Variants in PLK5 observed in about 807,000 individuals in gnomAD.
The protein encoded by PLK5 is inactive serine/threonine-protein kinase PLK5.
Under a neutral mutation model 33.7 loss-of-function variants are expected in PLK5, and 28 were observed. The observed-to-expected ratio is 0.83, with a 90% CI of 0.62 to 1.14. The LOEUF is 1.14. Ranked by LOEUF, PLK5 falls within the 50% of genes most tolerant of loss-of-function variation. The pLI is 0.00. For missense variants in PLK5, 492 were observed against 461.5 expected (o/e 1.07, Z -0.61); for synonymous variants, 225 against 202.2 (o/e 1.11, Z -0.96).
intron 6 of PLK5, 68 bp downstream of exon 6, chr19:1,527,066 G>T: frequency 2.1e-6 from 3 of 1,402,748 alleles, no homozygotes. Flanking sequence ...GGGGGAGCCT[G>T]CACGGAACAG....
intron 6 of PLK5, among the ~76,000 whole-genome samples, chr19:1,527,571 C>T (rs1315764970): frequency 6.6e-6 from 1 of 151,708 alleles, no homozygotes; most frequent in African/African-American, 2.4e-5. Context: ...AACGGCACTC[C>T]AGCCTGGGTG....
Position 1,531,464 on chromosome 19 carries a change from A to G in PLK5, c.569-274A>G, listed in dbSNP as rs115907312. ...ACACACACACCCAGAAATGTGTAGT[A>G]TTTTCAGAGCATTGCAAGTATTTGA... is the stretch of plus-strand genomic sequence containing the variant. On this transcript the variant is annotated intron_variant, in intron 11 of 13. Transcript: ENST00000454744. 3.5e-3 allele frequency among the ~76,000 whole-genome samples: 537 copies of G among 152,262 alleles called. 3 individuals are homozygous for G. The highest frequency in any genetic ancestry group is 0.012 in the African/African-American group (513 of 41,552).
At chr19:1,529,676 G>C in intron 10 of PLK5, 71 bp from the exon 11 acceptor site, 1 of 1,468,990 alleles carries the variant, frequency 6.8e-7, no homozygotes, top group Non-Finnish European at 9.2e-7. Flanking sequence ...GCCGTGGGGA[G>C]GGGGACTGGT....
intron 13 of PLK5, among the ~76,000 whole-genome samples, chr19:1,534,862 G>T (rs1914048472): frequency 6.6e-6 from 1 of 151,914 alleles, no homozygotes; most frequent in Non-Finnish European, 1.5e-5. Context: ...GTGGGCAGGG[G>T]AGCCCCCATC....
In PLK5 at chr19:1,528,969, G is replaced by A. The variant is rs761069094; in HGVS notation, c.400G>A (p.Gly134Ser). The A allele has an allele frequency of 9.5e-5, 144 of 1,511,374 alleles. No individual in the cohort carries two copies. Among genetic ancestry groups the A allele is most frequent in the Admixed American group, 1.3e-4 (6 of 46,316 alleles). 93.6% of individuals were successfully genotyped at this position (1,511,374 alleles called of 1,614,324 possible). A position where few individuals can be genotyped will look rare whatever the true frequency, so the allele number is the denominator to read the frequency against. ...AGACCCTGACTCCATGGAGTGGGAC[G>A]GCGAGGTGAGACATCGGGGTGGGGG... Reference protein sequence around the residue: ...GPDPDSMEWDGESSLSAKEVP... With the variant: ...GPDPDSMEWDSESSLSAKEVP... Residue 134 changes from glycine (G) to serine (S), a missense_variant, in exon 9 of 14, where the codon GGC becomes AGC. Transcript: ENST00000454744.
At chr19:1,534,348 AAT>A (rs755301120) in intron 13 of PLK5, among the ~76,000 whole-genome samples, 6 of 151,262 alleles carry the variant, frequency 4.0e-5, no homozygotes, top group Non-Finnish European at 5.9e-5. Context: ...CTCTACTAAA[AAT>A]ACAAAAATTA....
At chr19:1,529,971 G>A (rs895521980) in intron 11 of PLK5, 147 bp downstream of exon 11, 7 of 824,686 alleles carry the variant, frequency 8.5e-6, no homozygotes, top group Non-Finnish European at 1.1e-5. Context: ...CATCAGGAGA[G>A]TGGGTTAGCC....
chr19:1,528,282 C>T lies in PLK5; in HGVS notation c.202-20C>T, dbSNP rs1027396467. ...GCTGGGTGACCTAAGCCGGGGATAA[C>T]CCCAAATCCCCATCCAAAGGGTTTC... On this transcript the variant is annotated intron_variant, in intron 7 of 13. Coordinates refer to ENST00000454744, the MANE Select transcript of PLK5 (RefSeq NM_001243079.2). 2 of 1,535,766 alleles carry T rather than the reference C, an allele frequency of 1.3e-6. No homozygotes were observed. Among genetic ancestry groups the T allele is most frequent in the African/African-American group, 2.7e-5 (2 of 73,004 alleles).
chr19:1,534,056 C>G lies in PLK5; in HGVS notation c.825+15C>G, dbSNP rs1417392996. 1 of 1,530,138 alleles carries G rather than the reference C, an allele frequency of 6.5e-7. No individual in the cohort carries two copies. 94.8% of individuals were successfully genotyped at this position (1,530,138 alleles called of 1,614,324 possible). A position where few individuals can be genotyped will look rare whatever the true frequency, so the allele number is the denominator to read the frequency against. ...GGATGGTGCAGGTGAGCCCGGGGCT[C>G]AAACTCGGGGCACTGGGGCTCGGCA... On this transcript the variant is annotated intron_variant, in intron 13 of 13. Coordinates refer to ENST00000454744, the MANE Select transcript of PLK5 (RefSeq NM_001243079.2).
Position 1,531,743 on chromosome 19 carries a change from C to A in PLK5, c.574C>A (p.Gln192Lys), listed in dbSNP as rs1599306614. The A allele has an allele frequency of 2.0e-6, 3 of 1,536,758 alleles. No homozygotes were observed. Among genetic ancestry groups the A allele is most frequent in the Non-Finnish European group, 2.6e-6 (3 of 1,147,198 alleles). Reference sequence around the variant, plus strand: ...ATACCTTTGTTTGTGCCCAGCCACACAGGACCCCCTGGGAGAGCAGCAGCC... The same window carrying A: ...ATACCTTTGTTTGTGCCCAGCCACAAAGGACCCCCTGGGAGAGCAGCAGCC... ...LCLDVGPPAT[Q>K]DPLGEQQPIL... Residue 192 changes from glutamine to lysine, a missense_variant, in exon 12 of 14, where the codon CAG (glutamine) becomes AAG (lysine). Coordinates refer to ENST00000454744, the MANE Select transcript of PLK5 (RefSeq NM_001243079.2).
chr19:1,529,651 A>C lies in PLK5; in HGVS notation c.491-96A>C. ...ATGCCGCCTCTGGGTTGAGGATGAG[A>C]TGTTCCTGGATGGAGCCGTGGGGAG... On this transcript the variant is annotated intron_variant, in intron 10 of 13. Coordinates refer to ENST00000454744, the MANE Select transcript of PLK5 (RefSeq NM_001243079.2). 9 of 1,419,066 alleles carry C rather than the reference A, an allele frequency of 6.3e-6. 1 individual carries two copies. The Middle Eastern group carries it at 1.4e-3, about 219-fold the overall frequency. The allele number at this position is 1,419,066 out of a possible 1,614,324, so 87.9% of individuals were successfully genotyped here.
chr19:1,533,072 C>T (rs1913980143), intron 12 of PLK5, among the ~76,000 whole-genome samples: 1 of 152,036 alleles, frequency 6.6e-6, no homozygotes, highest in Non-Finnish European at 1.5e-5. Flanking sequence ...GAGGTCAAGG[C>T]TCCAGTGAGC....
In PLK5 at chr19:1,528,863, G is replaced by A. The variant is rs528738275; in HGVS notation, c.329-35G>A. On this transcript the variant is annotated intron_variant, in intron 8 of 13. Coordinates refer to ENST00000454744, the MANE Select transcript of PLK5 (RefSeq NM_001243079.2). ...CCCCTACCCCCAGCTTGGGGCCCAG[G>A]CTGTGCCCCCTCCAAGGCCTTGTGC... 8.3e-6 allele frequency: 12 copies of A among 1,452,044 alleles called. No homozygotes were observed. The East Asian group carries it at 2.8e-4, about 34-fold the overall frequency. 89.9% of individuals were successfully genotyped at this position (1,452,044 alleles called of 1,614,324 possible).
intron 13 of PLK5, 106 bp downstream of exon 13, chr19:1,534,147 C>G: frequency 1.4e-6 from 1 of 710,450 alleles, no homozygotes; most frequent in Non-Finnish European, 2.2e-6. Context: ...GAAGCATTTG[C>G]CTCCCAGGAA....
At position 1,531,590 on chromosome 19, in the gene PLK5, A is replaced by G. The variant is rs990694385; in HGVS notation, c.569-148A>G. The G allele has an allele frequency of 5.5e-6, 5 of 913,542 alleles. No homozygotes were observed. In the African/African-American group the frequency reaches 8.7e-5, roughly 16 times the overall value. 56.6% of individuals were successfully genotyped at this position (913,542 alleles called of 1,614,324 possible). On this transcript the variant is annotated intron_variant, in intron 11 of 13. Transcript: ENST00000454744. ...GGCTTCTGTTGATGTCTGGTCTCCTAGAATCCACCACCGAAGCCCCCAAGC... is the reference window on the plus strand; with the variant it reads ...GGCTTCTGTTGATGTCTGGTCTCCTGGAATCCACCACCGAAGCCCCCAAGC...
chr19:1,528,079 A>C lies in PLK5; in HGVS notation c.146A>C (p.Asn49Thr), dbSNP rs1425370416. ...RRLIVHLLAP[N>T]PAERPSLDHL... The stretch of plus-strand genomic sequence containing the variant: ...CTCATCGTGCACCTCCTAGCACCCA[A>C]CCCGGCCGAGCGGCCCAGCCTGGAC... The change falls in exon 7 of 14, where the codon AAC becomes ACC. Residue 49 changes from asparagine to threonine, a missense_variant. By Grantham distance (65) the Asn-to-Thr change is moderately conservative. Transcript: ENST00000454744. 1 of 1,535,790 alleles carries C rather than the reference A, an allele frequency of 6.5e-7. No individual in the cohort carries two copies. Among genetic ancestry groups the C allele is most frequent in the African/African-American group, 1.4e-5 (1 of 72,990 alleles).
chr19:1,529,152 G>C, intron 9 of PLK5, 178 bp downstream of exon 9: 1 of 663,492 alleles, frequency 1.5e-6, no homozygotes, highest in Non-Finnish European at 2.5e-6. Context: ...GTCCAAATGT[G>C]CCCACCTGGG....
intron 9 of PLK5, 57 bp from the exon 10 acceptor site, chr19:1,529,349 C>A: frequency 7.0e-7 from 1 of 1,432,098 alleles, no homozygotes; most frequent in Admixed American, 2.0e-5. Flanking sequence ...ACCCACCTCA[C>A]GCCTGTCCCT....
chr19:1,525,944 G>A (rs942507312), intron 3 of PLK5, among the ~76,000 whole-genome samples: 1 of 151,630 alleles, frequency 6.6e-6, no homozygotes, highest in Non-Finnish European at 1.5e-5. Flanking sequence ...TGCTCATCAG[G>A]CCCGTCTCAG....
Sources: allele counts gnomAD v4.1 joint callset (sites outside exome capture counted in the v4.1 genomes callset), GRCh38; gene constraint gnomAD v4.1.1; transcripts MANE v1.5; gene names NCBI Gene and HGNC (gene_info 2026-07-23, HGNC 2026-07-21).